ZFPM2: variants seen among roughly 807,000 people sequenced by gnomAD.
The protein encoded by ZFPM2 is zinc finger protein ZFPM2.
ZFPM2 carries 20 observed loss-of-function variants against 98.6 expected under a neutral mutation model. That is an observed-to-expected ratio of 0.20 (90% confidence interval 0.14 to 0.29). ZFPM2 has a LOEUF of 0.29. Ranked by LOEUF, ZFPM2 falls within the 10% of genes least tolerant of loss-of-function variation. The probability of loss-of-function intolerance (pLI) is 1.00; values close to 1 mark genes in which losing one functional copy is unlikely to be tolerated. For missense variants in ZFPM2, 1,310 were observed against 1,388.6 expected (o/e 0.94, Z 0.90); for synonymous variants, 518 against 502.7 (o/e 1.03, Z -0.41).
chr8:105,743,727 C>G (rs1812278806), intron 5 of ZFPM2, among the ~76,000 whole-genome samples: 1 of 152,044 alleles, frequency 6.6e-6, no homozygotes, highest in South Asian at 2.1e-4. Context: ...TGGAGAAGGG[C>G]TCACAACAAA....
At chr8:105,712,543 AT>A (rs1028392796) in intron 5 of ZFPM2, among the ~76,000 whole-genome samples, 7 of 151,784 alleles carry the variant, frequency 4.6e-5, no homozygotes, top group Non-Finnish European at 2.9e-5. Context: ...ACTACAAGCC[AT>A]TTTTTTTGTG....
At chr8:105,795,621 AAG>A in intron 6 of ZFPM2, 1 of 191,864 alleles carries the variant, frequency 5.2e-6, no homozygotes, top group East Asian at 1.5e-4. Flanking sequence ...AAAAAAAAAA[AAG>A]AAAGAAATGC....
At chr8:105,451,853 G>T (rs1812491136) in intron 3 of ZFPM2, 1 of 152,012 alleles carries the variant, frequency 6.6e-6, no homozygotes, top group Non-Finnish European at 1.5e-5. Context: ...TGCTTCCCAG[G>T]CATACTTTTT....
chr8:105,418,839 T>G (rs1402014340), intron 1 of ZFPM2: 2 of 544,600 alleles, frequency 3.7e-6, no homozygotes, highest in East Asian at 4.4e-5. Context: ...GTGCACAGTT[T>G]TGCTCTTAAA....
intron 1 of ZFPM2, among the ~76,000 whole-genome samples, chr8:105,350,787 T>C (rs1812625746): frequency 6.6e-6 from 1 of 152,214 alleles, no homozygotes; most frequent in Non-Finnish European, 1.5e-5. Flanking sequence ...AAGATTGTCA[T>C]ATTCCATCTT....
intron 6 of ZFPM2, among the ~76,000 whole-genome samples, chr8:105,792,540 GC>G (rs1813648922): frequency 6.6e-6 from 1 of 152,104 alleles, no homozygotes; most frequent in African/African-American, 2.4e-5. Flanking sequence ...TTGGTGTGGT[GC>G]TGAAAAAAAT....
chr8:105,635,599 A>AT (rs1175004501), intron 5 of ZFPM2, among the ~76,000 whole-genome samples: 1 of 152,160 alleles, frequency 6.6e-6, no homozygotes, highest in Non-Finnish European at 1.5e-5. Flanking sequence ...GGGATGTGAG[A>AT]TTTTCTCAGG....
Position 105,318,458 on chromosome 8 carries a change from C to G in ZFPM2, c.-484C>G, listed in dbSNP as rs1223868891. ...GCCGCAGAACAGGAGCTGCGCGGCCCGGAGCGGCGGCGGCGGCGCCGGAGT... is the reference window on the plus strand; with the variant it reads ...GCCGCAGAACAGGAGCTGCGCGGCCGGGAGCGGCGGCGGCGGCGCCGGAGT... On this transcript the variant is annotated 5_prime_UTR_variant, in exon 1 of 8. Transcript: ENST00000407775. Among the ~76,000 whole-genome samples, 2 of 151,366 alleles carry G rather than the reference C, an allele frequency of 1.3e-5. No individual in the cohort carries two copies. The highest frequency in any genetic ancestry group is 2.1e-4 in the South Asian group (1 of 4,786).
chr8:105,640,023 G>A (rs1816921058), intron 5 of ZFPM2, among the ~76,000 whole-genome samples: 1 of 151,842 alleles, frequency 6.6e-6, no homozygotes, highest in South Asian at 2.1e-4. Context: ...ATTAATCTTT[G>A]TTCTATTCTA....
chr8:105,438,312 T>C (rs1254227752), intron 2 of ZFPM2, among the ~76,000 whole-genome samples: 5 of 152,184 alleles, frequency 3.3e-5, no homozygotes, highest in African/African-American at 9.7e-5. Flanking sequence ...CTGGTCTATA[T>C]GTGATAGATG....
chr8:105,565,572 A>G (rs774307920), intron 4 of ZFPM2, among the ~76,000 whole-genome samples: 32 of 152,204 alleles, frequency 2.1e-4, no homozygotes, highest in Admixed American at 5.2e-4. Context: ...ACTCAGTCTG[A>G]TTCCATAACA....
chr8:105,399,768 C>G (rs1811296736), intron 1 of ZFPM2, among the ~76,000 whole-genome samples: 1 of 151,696 alleles, frequency 6.6e-6, no homozygotes, highest in South Asian at 2.1e-4. Flanking sequence ...ATTTGTGATA[C>G]TTGTTTTTTT....
chr8:105,637,196 A>C (rs1816862433), intron 5 of ZFPM2, among the ~76,000 whole-genome samples: 1 of 152,160 alleles, frequency 6.6e-6, no homozygotes, highest in Non-Finnish European at 1.5e-5. Flanking sequence ...AGCTAAATTC[A>C]ATCTACGTCT....
At chr8:105,754,698 T>C (rs1812554857) in intron 5 of ZFPM2, among the ~76,000 whole-genome samples, 1 of 151,440 alleles carries the variant, frequency 6.6e-6, no homozygotes, top group Non-Finnish European at 1.5e-5. Flanking sequence ...TTTTTTTCTA[T>C]TGATGGAGGT....
intron 5 of ZFPM2, among the ~76,000 whole-genome samples, chr8:105,690,446 G>T (rs111241461): frequency 6.6e-6 from 1 of 152,254 alleles, no homozygotes; most frequent in African/African-American, 2.4e-5. Flanking sequence ...CACTGGGCCA[G>T]TGTATCGAGA....
At chr8:105,413,482 T>TTATATATATATATATATA (rs200856542) in intron 1 of ZFPM2, among the ~76,000 whole-genome samples, 57 of 139,984 alleles carry the variant, frequency 4.1e-4, no homozygotes, top group African/African-American at 1.3e-3. Context: ...AATTCAAACA[T>TTATATATATATATATATA]TATATATATA....
At chr8:105,536,254 A>G (rs1434233774) in intron 3 of ZFPM2, among the ~76,000 whole-genome samples, 1 of 152,052 alleles carries the variant, frequency 6.6e-6, no homozygotes, top group Non-Finnish European at 1.5e-5. Context: ...AATGTGGTCT[A>G]TTTTAATATT....
intron 3 of ZFPM2, among the ~76,000 whole-genome samples, chr8:105,478,296 G>C (rs1380366093): frequency 6.6e-6 from 1 of 152,204 alleles, no homozygotes; most frequent in East Asian, 1.9e-4. Context: ...CTGATGTGAA[G>C]ATTGAATGAT....
At chr8:105,700,855 C>A (rs569374959) in intron 5 of ZFPM2, among the ~76,000 whole-genome samples, 4 of 152,262 alleles carry the variant, frequency 2.6e-5, no homozygotes, top group Middle Eastern at 6.8e-3. Context: ...CCTCCCAAAG[C>A]GCTGGGATTA....
Sources: allele counts gnomAD v4.1 joint callset (sites outside exome capture counted in the v4.1 genomes callset), GRCh38; gene constraint gnomAD v4.1.1; transcripts MANE v1.5; gene names NCBI Gene and HGNC (gene_info 2026-07-23, HGNC 2026-07-21).